LHPP: variants seen among roughly 807,000 people sequenced by gnomAD.
LHPP encodes hLHPP.
A neutral mutation model predicts 30.3 loss-of-function variants in LHPP; 24 were observed. The ratio of observed to expected loss-of-function variants is 0.79; its 90% CI spans 0.57 to 1.11. LHPP has a LOEUF of 1.11. Among genes scored for constraint, LHPP ranks in the 50% most tolerant of loss-of-function variants. LHPP has a pLI of 0.00. For missense variants in LHPP, 356 were observed against 367.2 expected, an observed-to-expected ratio of 0.97 and a Z score of 0.25; for synonymous variants, 150 against 157.1, an observed-to-expected ratio of 0.95 and a Z score of 0.34.
intron 6 of LHPP, among the ~76,000 whole-genome samples, chr10:124,524,128 AGTC>A (rs1208870189): frequency 1.3e-5 from 2 of 152,180 alleles, no homozygotes; most frequent in East Asian, 3.8e-4. Context: ...AGAGCTGTGC[AGTC>A]GTCACCACAA....
intron 3 of LHPP, chr10:124,490,098 C>G: frequency 5.8e-6 from 1 of 171,508 alleles, no homozygotes; most frequent in South Asian, 1.3e-4. Context: ...GTGAGTGTCT[C>G]TGTCTGTGGT....
intron 6 of LHPP, among the ~76,000 whole-genome samples, chr10:124,547,159 G>C (rs1046659203): frequency 6.6e-6 from 1 of 152,158 alleles, no homozygotes; most frequent in African/African-American, 2.4e-5. Flanking sequence ...CTAAGTCACC[G>C]GCAGAAGCAG....
chr10:124,489,624 T>C (rs1953456343), intron 3 of LHPP, among the ~76,000 whole-genome samples: 1 of 152,108 alleles, frequency 6.6e-6, no homozygotes, highest in African/African-American at 2.4e-5. Context: ...CAGCTAATTT[T>C]TATATTTTTG....
At chr10:124,597,726 CCCTGAGCCCAGCGTGTGCCCT>C (rs777277048) in intron 6 of LHPP, among the ~76,000 whole-genome samples, 2,472 of 152,294 alleles carry the variant, frequency 0.016, 31 homozygotes, top group South Asian at 0.033. Flanking sequence ...GAGTGCCCTG[CCCTGAGCCCAGCGTGTGCCCT>C]GCCTGTGCCC....
At chr10:124,577,482 G>T (rs973977163) in intron 6 of LHPP, among the ~76,000 whole-genome samples, 2 of 152,172 alleles carry the variant, frequency 1.3e-5, no homozygotes, top group African/African-American at 4.8e-5. Flanking sequence ...ACACACCTCC[G>T]GCTTTCAGGT....
At chr10:124,570,477 C>T (rs1225014140) in intron 6 of LHPP, among the ~76,000 whole-genome samples, 5 of 152,246 alleles carry the variant, frequency 3.3e-5, no homozygotes, top group African/African-American at 1.2e-4. Flanking sequence ...TTGAGATATT[C>T]ACATGCCATA....
intron 6 of LHPP, among the ~76,000 whole-genome samples, chr10:124,571,775 C>T (rs1948587758): frequency 6.6e-6 from 1 of 152,136 alleles, no homozygotes; most frequent in Non-Finnish European, 1.5e-5. Context: ...CATCATCAGT[C>T]AGAGACACAG....
intron 6 of LHPP, among the ~76,000 whole-genome samples, chr10:124,610,811 G>A (rs1949177228): frequency 9.8e-6 from 1 of 102,420 alleles, no homozygotes. Context: ...TGAGGGTGCT[G>A]ATGGAGCGGG....
intron 6 of LHPP, among the ~76,000 whole-genome samples, chr10:124,524,876 T>C (rs1954695015): frequency 6.6e-6 from 1 of 152,166 alleles, no homozygotes; most frequent in Non-Finnish European, 1.5e-5. Flanking sequence ...ATATATAACA[T>C]AAAATATGCC....
At chr10:124,599,628 G>A (rs968242444) in intron 6 of LHPP, among the ~76,000 whole-genome samples, 2 of 152,228 alleles carry the variant, frequency 1.3e-5, no homozygotes, top group Admixed American at 1.3e-4. Flanking sequence ...ACTGGAATTC[G>A]GGAGGCCTGG....
intron 5 of LHPP, among the ~76,000 whole-genome samples, chr10:124,507,856 G>A (rs1386558363): frequency 1.2e-4 from 11 of 88,864 alleles, no homozygotes; most frequent in East Asian, 3.7e-4. Context: ...GGGGGGGTAG[G>A]GAGGATTTCA....
chr10:124,600,572 G>A (rs182036752), intron 6 of LHPP, among the ~76,000 whole-genome samples: 239 of 152,384 alleles, frequency 1.6e-3, no homozygotes, highest in Non-Finnish European at 2.6e-3. Context: ...TAGGTGCCCG[G>A]GGTCTCACGC....
At chr10:124,550,272 G>T in intron 6 of LHPP, among the ~76,000 whole-genome samples, 1 of 152,342 alleles carries the variant, frequency 6.6e-6, no homozygotes, top group Middle Eastern at 3.4e-3. Context: ...AGGCAGCTGC[G>T]GGGCAGGGGG....
chr10:124,517,349 A>G lies in LHPP; in HGVS notation c.716+78A>G. 1 of 913,770 alleles carries G rather than the reference A, an allele frequency of 1.1e-6. No homozygotes were observed. Among genetic ancestry groups the G allele is most frequent in the East Asian group, 2.8e-5 (1 of 35,956 alleles). The allele number at this position is 913,770 out of a possible 1,614,324, so 56.6% of individuals were successfully genotyped here. ...TTCTCATTCTGTTTTGTTCTTCAAA[A>G]TAAAGGGGATATTCTTTCCAAATCA... On this transcript the variant is annotated intron_variant, in intron 6 of 6. Transcript: ENST00000368842. The surrounding 1 kb of genome is among the most constrained non-coding windows in gnomAD (Gnocchi z 4.1).
intron 3 of LHPP, chr10:124,490,421 C>G: frequency 3.0e-6 from 1 of 337,660 alleles, no homozygotes; most frequent in East Asian, 8.0e-5. Context: ...AACCTCAGGA[C>G]CTGAGAGACT....
At chr10:124,525,370 G>A (rs1347239078) in intron 6 of LHPP, among the ~76,000 whole-genome samples, 2 of 152,234 alleles carry the variant, frequency 1.3e-5, no homozygotes, top group Non-Finnish European at 2.9e-5. Context: ...GGGTCATGGA[G>A]GAGCATATGT....
chr10:124,587,025 T>C (rs1686041665), intron 6 of LHPP, among the ~76,000 whole-genome samples: 1 of 56,034 alleles, frequency 1.8e-5, no homozygotes, highest in Admixed American at 1.7e-4. Context: ...TGCTTGCTAC[T>C]TTTTTTTTTT....
chr10:124,557,888 C>T (rs1948329700), intron 6 of LHPP, among the ~76,000 whole-genome samples: 1 of 152,090 alleles, frequency 6.6e-6, no homozygotes, highest in Non-Finnish European at 1.5e-5. Flanking sequence ...AGCCCGTGGA[C>T]ATCTAGTGAG....
At chr10:124,551,809 C>T (rs532220920) in intron 6 of LHPP, among the ~76,000 whole-genome samples, 1 of 152,230 alleles carries the variant, frequency 6.6e-6, no homozygotes, top group African/African-American at 2.4e-5. Flanking sequence ...GCAAGGCTCC[C>T]TGGGGAGCAG....
Sources: allele counts gnomAD v4.1 joint callset (sites outside exome capture counted in the v4.1 genomes callset), GRCh38; gene constraint gnomAD v4.1.1; non-coding constraint Gnocchi (gnomAD v3.1); transcripts MANE v1.5; gene names NCBI Gene and HGNC (gene_info 2026-07-23, HGNC 2026-07-21).